The following DUSP22 variants were observed in gnomAD, a reference collection of about 807,000 sequenced individuals.
DUSP22 encodes the protein dual specificity protein phosphatase 22.
In DUSP22, 24 loss-of-function variants were observed where a neutral mutation model predicts 24.5. That is an observed-to-expected ratio of 0.98 (90% CI 0.71 to 1.38). DUSP22 has a LOEUF of 1.38. Ranked by LOEUF, DUSP22 falls within the 40% of genes most tolerant of loss-of-function variation. DUSP22 has a pLI of 0.00. For missense variants in DUSP22, 330 were observed against 269.2 expected (o/e 1.23, Z -1.58); for synonymous variants, 160 against 106.4 (o/e 1.50, Z -3.10).
chr6:302,628 A>T (rs1200120029), intron 1 of DUSP22, among the ~76,000 whole-genome samples: 1 of 152,308 alleles, frequency 6.6e-6, no homozygotes, highest in Non-Finnish European at 1.5e-5. Flanking sequence ...ATTGTGCCTG[A>T]GGAACTTTAG....
Position 350,365 on chromosome 6 carries a change from CA to C in DUSP22, c.*1415del. On this transcript the variant is annotated 3_prime_UTR_variant, in exon 7 of 7. Coordinates refer to ENST00000419235, the MANE Select transcript of DUSP22 (RefSeq NM_001286555.3). ...AGTGGTCTAGTCCTTTATACCGACTCAGATTCCTTAAGCATGCAGAGTCACT... is the reference window on the plus strand; with the variant it reads ...AGTGGTCTAGTCCTTTATACCGACTCGATTCCTTAAGCATGCAGAGTCACT... The C allele has an allele frequency of 1.9e-6, 2 of 1,063,372 alleles. No individual in the cohort carries two copies. Among genetic ancestry groups the C allele is most frequent in the Non-Finnish European group, 2.3e-6 (2 of 877,972 alleles). 65.9% of individuals were successfully genotyped at this position (1,063,372 alleles called of 1,614,324 possible).
At chr6:300,682 G>C (rs927192841) in intron 1 of DUSP22, among the ~76,000 whole-genome samples, 1 of 152,304 alleles carries the variant, frequency 6.6e-6, no homozygotes, top group Non-Finnish European at 1.5e-5. Flanking sequence ...GGTAGGTCTC[G>C]GTACTAGAGG....
At chr6:313,162 A>G (rs1758185851) in intron 3 of DUSP22, among the ~76,000 whole-genome samples, 2 of 152,306 alleles carry the variant, frequency 1.3e-5, no homozygotes, top group South Asian at 2.1e-4. Context: ...TTAAACTGCA[A>G]ACTGGTCATG....
chr6:332,839 T>C (rs1759197878), intron 3 of DUSP22, among the ~76,000 whole-genome samples: 1 of 152,302 alleles, frequency 6.6e-6, no homozygotes, highest in Non-Finnish European at 1.5e-5. Context: ...CTCCTTCTGG[T>C]CTGTCTGGAG....
rs1760204293 is a variant in DUSP22, at chr6:351,312, A to C, written c.*2361A>C. On this transcript the variant is annotated 3_prime_UTR_variant, in exon 7 of 7. Transcript: ENST00000419235. ...GTTCTCCGTGGTGGAATTGACCGAA[A>C]GCTCTATGTTTTCGTTAATAAAGGG... The C allele has an allele frequency of 5.6e-6, 1 of 178,170 alleles. No homozygotes were observed. The highest frequency in any genetic ancestry group is 1.4e-4 in the South Asian group (1 of 7,240). The allele number at this position is 178,170 out of a possible 1,614,324, so 11.0% of individuals were successfully genotyped here.
chr6:310,652 G>A (rs1758040567), intron 2 of DUSP22, among the ~76,000 whole-genome samples: 2 of 152,304 alleles, frequency 1.3e-5, no homozygotes, highest in Non-Finnish European at 2.9e-5. Flanking sequence ...GAAGTAATGG[G>A]CAGTTTCCTT....
Position 345,429 on chromosome 6 carries a change from C to T in DUSP22, c.189-425C>T, listed in dbSNP as rs528107810. Among the ~76,000 whole-genome samples, 11 of 152,410 alleles carry T rather than the reference C, an allele frequency of 7.2e-5. No homozygotes were observed. The South Asian group carries it at 1.4e-3, about 20-fold the overall frequency. On this transcript the variant is annotated intron_variant, in intron 4 of 6. Coordinates refer to ENST00000419235, the MANE Select transcript of DUSP22 (RefSeq NM_001286555.3). ...TTCACCATGTTGGCCAGGCTGGTCT[C>T]GAGCTCCTGACCTCAAGTGATCCGC... is the stretch of plus-strand genomic sequence containing the variant.
intron 1 of DUSP22, among the ~76,000 whole-genome samples, chr6:294,330 A>C (rs1199521020): frequency 1.3e-5 from 2 of 150,600 alleles, no homozygotes; most frequent in Non-Finnish European, 3.0e-5. Context: ...ACATACTATG[A>C]GCCAGGTGTT....
intron 4 of DUSP22, 139 bp downstream of exon 4, chr6:335,302 C>A: frequency 9.0e-7 from 1 of 1,115,016 alleles, no homozygotes; most frequent in Non-Finnish European, 1.3e-6. Context: ...AGGCTGTGAG[C>A]CTACAGAGGC....
intron 3 of DUSP22, among the ~76,000 whole-genome samples, chr6:330,154 G>A (rs1346676761): frequency 5.2e-5 from 8 of 152,420 alleles, no homozygotes; most frequent in Middle Eastern, 3.4e-3. Flanking sequence ...TCACCATACC[G>A]TCACTGCTGC....
At chr6:300,191 T>C (rs1490182230) in intron 1 of DUSP22, among the ~76,000 whole-genome samples, 1 of 152,302 alleles carries the variant, frequency 6.6e-6, no homozygotes, top group Non-Finnish European at 1.5e-5. Context: ...AGCCTGGAAT[T>C]TGGGGGCCCT....
chr6:349,202 C>T lies in DUSP22; in HGVS notation c.*251C>T. The T allele has an allele frequency of 7.1e-7, 1 of 1,408,634 alleles. No homozygotes were observed. Among genetic ancestry groups the T allele is most frequent in the Non-Finnish European group, 9.2e-7 (1 of 1,083,670 alleles). The allele number at this position is 1,408,634 out of a possible 1,614,324, so 87.3% of individuals were successfully genotyped here. On this transcript the variant is annotated 3_prime_UTR_variant, in exon 7 of 7. Transcript: ENST00000419235. ...CCCAGTGGCTGTGCACTGCTCTGTGCACGTGCGTGTGTGTGAGTGCACTTG... is the reference window on the plus strand; with the variant it reads ...CCCAGTGGCTGTGCACTGCTCTGTGTACGTGCGTGTGTGTGAGTGCACTTG...
intron 4 of DUSP22, 65 bp downstream of exon 4, chr6:335,228 A>G: frequency 6.3e-7 from 1 of 1,582,472 alleles, no homozygotes; most frequent in African/African-American, 1.3e-5. Flanking sequence ...TGGTAAAGTC[A>G]GAGAAGTAGA....
In DUSP22 at chr6:338,814, C is replaced by T. The variant is rs529292760; in HGVS notation, c.188+3651C>T. Among the ~76,000 whole-genome samples the T allele has an allele frequency of 1.1e-4, 17 of 152,412 alleles. No individual in the cohort carries two copies. The South Asian group carries it at 1.4e-3, about 13-fold the overall frequency. Reference sequence around the variant, plus strand: ...AAATTTTTCCCCACAAATCCCTGCACGAACAGGAATTCTGGCAAGTTATGC... The same window carrying T: ...AAATTTTTCCCCACAAATCCCTGCATGAACAGGAATTCTGGCAAGTTATGC... On this transcript the variant is annotated intron_variant, in intron 4 of 6. Transcript: ENST00000419235.
At position 350,648 on chromosome 6, in the gene DUSP22, G is replaced by C; in HGVS notation, c.*1697G>C. 1.3e-6 allele frequency: 2 copies of C among 1,493,652 alleles called. No homozygotes were observed. The highest frequency in any genetic ancestry group is 1.8e-4 in the Middle Eastern group (1 of 5,598). The allele number at this position is 1,493,652 out of a possible 1,614,324, so 92.5% of individuals were successfully genotyped here. Reference sequence around the variant, plus strand: ...CATCCGTCTACAGCTAAAACAATTTGCCAATAAAGTACATGTTTTTCCTAA... The same window carrying C: ...CATCCGTCTACAGCTAAAACAATTTCCCAATAAAGTACATGTTTTTCCTAA... On this transcript the variant is annotated 3_prime_UTR_variant, in exon 7 of 7. Transcript: ENST00000419235.
chr6:322,833 G>C (rs892243201), intron 3 of DUSP22, among the ~76,000 whole-genome samples: 39 of 91,588 alleles, frequency 4.3e-4, no homozygotes, highest in South Asian at 1.2e-3. Flanking sequence ...TGCTTGGTGG[G>C]GCGGGGGGGG....
chr6:345,850 C>T lies in DUSP22; in HGVS notation c.189-4C>T, dbSNP rs764036547. On this transcript the variant is annotated splice_region_variant and splice_polypyrimidine_tract_variant and intron_variant, in intron 4 of 6. Transcript: ENST00000419235. ...ATGTCATTTCTCTTTTTTTCTTTTC[C>T]CAGGACAAGACATTTCAAAGAAAGT... 36 of 1,613,058 alleles carry T rather than the reference C, an allele frequency of 2.2e-5. No homozygotes were observed. In the African/African-American group the frequency reaches 3.9e-4, roughly 17 times the overall value.
At position 344,021 on chromosome 6, in the gene DUSP22, G is replaced by A. The variant is rs1467017994; in HGVS notation, c.189-1833G>A. 1.2e-4 allele frequency among the ~76,000 whole-genome samples: 19 copies of A among 152,416 alleles called. No homozygotes were observed. The South Asian group carries it at 3.3e-3, about 27-fold the overall frequency. On this transcript the variant is annotated intron_variant, in intron 4 of 6. Transcript: ENST00000419235. ...GAGAGGTACATGTGCTATCCATCCC[G>A]AGGTGTCAGCACTTAACCCACAAAC...
chr6:298,246 T>C (rs1243983408), intron 1 of DUSP22, among the ~76,000 whole-genome samples: 44 of 152,158 alleles, frequency 2.9e-4, no homozygotes, highest in Admixed American at 6.5e-4. Context: ...TGCAAACTGG[T>C]TAAGTCCATG....
Sources: allele counts gnomAD v4.1 joint callset (sites outside exome capture counted in the v4.1 genomes callset), GRCh38; gene constraint gnomAD v4.1.1; transcripts MANE v1.5; gene names NCBI Gene and HGNC (gene_info 2026-07-23, HGNC 2026-07-21).